ZNF207: variants seen among roughly 807,000 people sequenced by gnomAD.
The protein encoded by ZNF207 is zinc finger protein 207, also known as BUB3-interacting and GLEBS motif-containing protein ZNF207.
A neutral mutation model predicts 60.2 loss-of-function variants in ZNF207; 24 were observed. The observed-to-expected ratio is 0.40, with a 90% CI of 0.29 to 0.56. The LOEUF (loss-of-function observed/expected upper bound fraction) is 0.56. ZNF207 is among the 20% of genes least tolerant of loss of function. The probability of loss-of-function intolerance (pLI) is 0.49; values close to 1 mark genes in which losing one functional copy is unlikely to be tolerated. For synonymous variants in ZNF207, 236 were observed against 194.7 expected (o/e 1.21, Z -1.77); for missense variants, 452 against 636.6 (o/e 0.71, Z 3.12).
In ZNF207 at chr17:32,376,109, G is replaced by GT. The variant is rs1174056596; in HGVS notation, c.*6350_*6351insT. 6.6e-6 allele frequency: 1 copy of GT among 151,984 alleles called. No individual in the cohort carries two copies. The highest frequency in any genetic ancestry group is 1.5e-5 in the Non-Finnish European group (1 of 67,878). 9.4% of individuals were successfully genotyped at this position (151,984 alleles called of 1,614,324 possible). ...CATAATGGATATTCATTAATTTTGT[G>GT]ATTAGTGCTGAGTTTTCTAAACTAC... is the stretch of plus-strand genomic sequence containing the variant. On this transcript the variant is annotated 3_prime_UTR_variant, in exon 12 of 12. Coordinates refer to ENST00000394670, the MANE Select transcript of ZNF207 (RefSeq NM_001098507.2).
At chr17:32,352,951 C>T (rs890144771) in intron 2 of ZNF207, among the ~76,000 whole-genome samples, 22 of 152,170 alleles carry the variant, frequency 1.4e-4, no homozygotes, top group African/African-American at 4.8e-4. Context: ...CCAAGGTGGG[C>T]GGATCACAAG....
At chr17:32,361,564 AT>A (rs747356932) in intron 6 of ZNF207, 49 bp downstream of exon 6, 31 of 1,530,274 alleles carry the variant, frequency 2.0e-5, no homozygotes, top group African/African-American at 1.6e-4. Flanking sequence ...TCATACTGTC[AT>A]TTTTTTATGT....
rs774960922 is a variant in ZNF207, at chr17:32,365,445, A to C, written c.786A>C (p.Pro262=). 3 of 1,614,132 alleles carry C rather than the reference A, an allele frequency of 1.9e-6. No homozygotes were observed. Among genetic ancestry groups the C allele is most frequent in the South Asian group, 1.1e-5 (1 of 91,084 alleles). ...PPAPTATVPA[P]QPPVTKPLFP... ...CACCAACAGCAACTGTACCTGCCCC[A>C]CAGCCTCCAGTTACTAAGCCTCTTT... The change falls in exon 8 of 12, where the codon CCA becomes CCC. Residue 262 remains proline (P), a synonymous_variant. Coordinates refer to ENST00000394670, the MANE Select transcript of ZNF207 (RefSeq NM_001098507.2).
rs1235508973 is a variant in ZNF207, at chr17:32,378,487, G to A, written c.*8728G>A. The A allele has an allele frequency of 6.6e-6, 1 of 151,962 alleles. No homozygotes were observed. Among genetic ancestry groups the A allele is most frequent in the Non-Finnish European group, 1.5e-5 (1 of 67,912 alleles). 9.4% of individuals were successfully genotyped at this position (151,962 alleles called of 1,614,324 possible). ...CTTTTAGCAACACTTGTAAATACAA[G>A]TACTCCTCTATTTTTGTTCTTTTTT... On this transcript the variant is annotated 3_prime_UTR_variant, in exon 12 of 12. Transcript: ENST00000394670.
At chr17:32,353,603 G>A (rs1904321136) in intron 2 of ZNF207, among the ~76,000 whole-genome samples, 1 of 141,244 alleles carries the variant, frequency 7.1e-6, no homozygotes, top group Non-Finnish European at 1.5e-5. Context: ...CCAACGTGGT[G>A]AAACCCCATC....
chr17:32,364,954 T>C (rs1222250741), intron 7 of ZNF207, among the ~76,000 whole-genome samples: 3 of 152,262 alleles, frequency 2.0e-5, no homozygotes, highest in African/African-American at 4.8e-5. Context: ...GTTCATGATA[T>C]TTGATTCATC....
rs1480441043 is a variant in ZNF207, at chr17:32,377,565, CTT to C, written c.*7809_*7810del. On this transcript the variant is annotated 3_prime_UTR_variant, in exon 12 of 12. Transcript: ENST00000394670. ...ATTTTTACAAAAGTTGAATTAAAAA[CTT>C]TTAAAAATTGCTTGTCTTTGGGGGT... 1 of 151,902 alleles carries C rather than the reference CTT, an allele frequency of 6.6e-6. No homozygotes were observed. Among genetic ancestry groups the C allele is most frequent in the Non-Finnish European group, 1.5e-5 (1 of 67,854 alleles). The allele number at this position is 151,902 out of a possible 1,614,324, so 9.4% of individuals were successfully genotyped here.
At chr17:32,367,099 G>T (rs371838131) in intron 9 of ZNF207, among the ~76,000 whole-genome samples, 1 of 151,086 alleles carries the variant, frequency 6.6e-6, no homozygotes, top group Non-Finnish European at 1.5e-5. Context: ...TTCTAAAGTT[G>T]GCCTAGTCTA....
Position 32,365,465 on chromosome 17 carries a change from C to T in ZNF207, c.806C>T (p.Pro269Leu), listed in dbSNP as rs935242175. ...VPAPQPPVTK[P>L]LFPSAGQMGT... ...GCCCCACAGCCTCCAGTTACTAAGC[C>T]TCTTTTCCCCAGTGCTGGACAGGTA... is the stretch of plus-strand genomic sequence containing the variant. The change falls in exon 8 of 12, where the codon CCT (proline) becomes CTT (leucine). Residue 269 changes from proline (P) to leucine (L), a missense_variant. Pro to Leu is a moderately conservative substitution (Grantham distance 98, BLOSUM62 -3). Transcript: ENST00000394670. 6.2e-7 allele frequency: 1 copy of T among 1,614,100 alleles called. No individual in the cohort carries two copies. The highest frequency in any genetic ancestry group is 1.7e-5 in the Admixed American group (1 of 59,998).
In ZNF207 at chr17:32,362,900, T is replaced by C; in HGVS notation, c.600-14T>C. ...TCATTAACTTACTGTTTCTTGAAAT[T>C]TGCTTTCTAATAGAATGATGCCAAT... On this transcript the variant is annotated splice_polypyrimidine_tract_variant and intron_variant, in intron 6 of 11. Transcript: ENST00000394670. The C allele has an allele frequency of 6.2e-7, 1 of 1,612,322 alleles. No individual in the cohort carries two copies. The highest frequency in any genetic ancestry group is 8.5e-7 in the Non-Finnish European group (1 of 1,179,352).
chr17:32,368,002 G>A lies in ZNF207; in HGVS notation c.1152G>A (p.Glu384=), dbSNP rs1424827727. 3.1e-6 allele frequency: 5 copies of A among 1,613,856 alleles called. No homozygotes were observed. Among genetic ancestry groups the A allele is most frequent in the South Asian group, 2.2e-5 (2 of 91,080 alleles). ...SATSKLIHPD[E]DISLEERRAQ... ...CCAGTAAGTTGATCCATCCAGATGA[G>A]GATATATCCCTGGTAAGTTGCTTTT... Residue 384 remains glutamate, a synonymous_variant, in exon 10 of 12, where the codon GAG becomes GAA. Transcript: ENST00000394670.
chr17:32,360,534 T>TTGAA, intron 3 of ZNF207, 64 bp from the exon 4 acceptor site: 1 of 1,446,240 alleles, frequency 6.9e-7, no homozygotes. Flanking sequence ...TTTTTAAATA[T>TTGAA]TGAATGTTGT....
rs1905835744 is a variant in ZNF207, at chr17:32,380,385, G to GT, written c.*10626_*10627insT. ...TGGAACATACCTTACTCCTTTGTCT[G>GT]GTTTTTTTATTTTGTATGGTGCTTT... is the stretch of plus-strand genomic sequence containing the variant. On this transcript the variant is annotated 3_prime_UTR_variant, in exon 12 of 12. Transcript: ENST00000394670. The GT allele has an allele frequency of 1.3e-5, 2 of 152,014 alleles. No homozygotes were observed. The highest frequency in any genetic ancestry group is 2.9e-5 in the Non-Finnish European group (2 of 67,988). 9.4% of individuals were successfully genotyped at this position (152,014 alleles called of 1,614,324 possible).
rs563291630 is a variant in ZNF207 at position 32,370,673 on chromosome 17, A to G, written c.*914A>G. 22 of 152,332 alleles carry G rather than the reference A, an allele frequency of 1.4e-4. No individual in the cohort carries two copies. Among genetic ancestry groups the G allele is most frequent in the African/African-American group, 5.3e-4 (22 of 41,578 alleles). The allele number at this position is 152,332 out of a possible 1,614,324, so 9.4% of individuals were successfully genotyped here. ...CATAGATACTTAAAATGTAAATGTT[A>G]ACACTTTTCCTTCCTGCTGAGATGT... is the stretch of plus-strand genomic sequence containing the variant. On this transcript the variant is annotated 3_prime_UTR_variant, in exon 12 of 12. Coordinates refer to ENST00000394670, the MANE Select transcript of ZNF207 (RefSeq NM_001098507.2).
rs1905650476 is a variant in ZNF207 at position 32,375,626 on chromosome 17, C to T, written c.*5867C>T. The T allele has an allele frequency of 6.6e-6, 1 of 152,014 alleles. No homozygotes were observed. Among genetic ancestry groups the T allele is most frequent in the Non-Finnish European group, 1.5e-5 (1 of 67,966 alleles). 9.4% of individuals were successfully genotyped at this position (152,014 alleles called of 1,614,324 possible). A position where few individuals can be genotyped will look rare whatever the true frequency, so the allele number is the denominator to read the frequency against. On this transcript the variant is annotated 3_prime_UTR_variant, in exon 12 of 12. Transcript: ENST00000394670. The stretch of plus-strand genomic sequence containing the variant: ...GGCAAATGAAAGAAAATTGTGAAGT[C>T]ACCACTTTAACTGAGTCAAAATTTT...
At chr17:32,352,134 A>G (rs1373596065) in intron 2 of ZNF207, among the ~76,000 whole-genome samples, 1 of 151,990 alleles carries the variant, frequency 6.6e-6, no homozygotes, top group Non-Finnish European at 1.5e-5. Context: ...TGCCCGGCTA[A>G]TTTTTTGTAT....
At chr17:32,351,495 A>G (rs1197310867) in intron 1 of ZNF207, 1 of 1,484,970 alleles carries the variant, frequency 6.7e-7, no homozygotes, top group Non-Finnish European at 8.9e-7. Context: ...AATATTTATA[A>G]CAAAAGTTTC....
At position 32,369,805 on chromosome 17, in the gene ZNF207, C is replaced by G; in HGVS notation, c.*46C>G. 7.1e-7 allele frequency: 1 copy of G among 1,400,948 alleles called. No individual in the cohort carries two copies. Among genetic ancestry groups the G allele is most frequent in the Non-Finnish European group, 9.3e-7 (1 of 1,070,656 alleles). 86.8% of individuals were successfully genotyped at this position (1,400,948 alleles called of 1,614,324 possible). A position where few individuals can be genotyped will look rare whatever the true frequency, so the allele number is the denominator to read the frequency against. On this transcript the variant is annotated 3_prime_UTR_variant, in exon 12 of 12. Transcript: ENST00000394670. The stretch of plus-strand genomic sequence containing the variant: ...TAGGTTTGGAGATTAAACCTTTTCT[C>G]AACTTGTGCTGTTTATATAGCCAAG...
At chr17:32,366,836 ATT>A (rs1165584592) in intron 9 of ZNF207, 79 bp downstream of exon 9, 4 of 1,283,332 alleles carry the variant, frequency 3.1e-6, no homozygotes, top group Non-Finnish European at 4.2e-6. Flanking sequence ...AAAAATGAAT[ATT>A]TTTCCAAAAA....
Sources: allele counts gnomAD v4.1 joint callset (sites outside exome capture counted in the v4.1 genomes callset), GRCh38; gene constraint gnomAD v4.1.1; transcripts MANE v1.5; gene names NCBI Gene and HGNC (gene_info 2026-07-23, HGNC 2026-07-21).